ELMO1: variants seen among roughly 807,000 people sequenced by gnomAD.
ELMO1 encodes the protein engulfment and cell motility 1.
A neutral mutation model predicts 98.9 loss-of-function variants in ELMO1; 26 were observed. The ratio of observed to expected loss-of-function variants is 0.26; its 90% confidence interval spans 0.19 to 0.36. The LOEUF (loss-of-function observed/expected upper bound fraction) is 0.36. ELMO1 is among the 10% of genes least tolerant of loss of function. ELMO1 has a pLI of 1.00. For synonymous variants in ELMO1, 346 were observed against 346.0 expected, an observed-to-expected ratio of 1.00 and a Z score of 0.00; for missense variants, 627 against 935.2, an observed-to-expected ratio of 0.67 and a Z score of 4.30.
intron 5 of ELMO1, 58 bp from the exon 6 acceptor site, chr7:37,259,408 A>T: frequency 6.4e-7 from 1 of 1,567,198 alleles, no homozygotes; most frequent in Non-Finnish European, 8.7e-7. Context: ...ACAGCAAAAC[A>T]GATTTATGTT....
intron 1 of ELMO1, among the ~76,000 whole-genome samples, chr7:37,440,905 C>T (rs911111854): frequency 6.6e-6 from 1 of 152,132 alleles, no homozygotes; most frequent in African/African-American, 2.4e-5. Context: ...TCTGACCAAA[C>T]TCCTCCACTA....
chr7:37,371,642 C>T (rs1007652552), intron 1 of ELMO1, among the ~76,000 whole-genome samples: 12 of 152,102 alleles, frequency 7.9e-5, no homozygotes, highest in African/African-American at 1.9e-4. Context: ...GATCTGCTAA[C>T]GAACGTTTCT....
At chr7:37,123,781 A>G (rs1413641817) in intron 14 of ELMO1, among the ~76,000 whole-genome samples, 1 of 152,216 alleles carries the variant, frequency 6.6e-6, no homozygotes, top group African/African-American at 2.4e-5. Flanking sequence ...TCCCTATCTC[A>G]TTTCATGAGG....
intron 14 of ELMO1, among the ~76,000 whole-genome samples, chr7:37,108,918 T>C (rs1353800155): frequency 6.6e-6 from 1 of 152,188 alleles, no homozygotes; most frequent in Non-Finnish European, 1.5e-5. Context: ...CATAACTTAT[T>C]ACAACTATAT....
chr7:37,411,376 A>G (rs1017483136), intron 1 of ELMO1, among the ~76,000 whole-genome samples: 11 of 152,230 alleles, frequency 7.2e-5, no homozygotes, highest in Non-Finnish European at 1.6e-4. Context: ...TCCAGGAACA[A>G]GTGGGTACAA....
chr7:37,417,219 G>A (rs10231979), intron 1 of ELMO1, among the ~76,000 whole-genome samples: 25,473 of 152,098 alleles, frequency 0.17, 2,314 homozygotes, highest in South Asian at 0.26. Flanking sequence ...AGAAAGACAC[G>A]TTGAAGTCCT....
At chr7:36,903,999 G>C (rs1239543255) in intron 16 of ELMO1, among the ~76,000 whole-genome samples, 2 of 152,330 alleles carry the variant, frequency 1.3e-5, no homozygotes, top group East Asian at 3.9e-4. Context: ...CACTCCCCCT[G>C]GGCTGCCTCA....
At chr7:37,410,008 C>G (rs191639932) in intron 1 of ELMO1, among the ~76,000 whole-genome samples, 1 of 152,160 alleles carries the variant, frequency 6.6e-6, no homozygotes, top group South Asian at 2.1e-4. Context: ...CCCTCCTTCC[C>G]GCAAAGTCAC....
intron 16 of ELMO1, among the ~76,000 whole-genome samples, chr7:36,999,106 A>G (rs1792440333): frequency 6.6e-6 from 1 of 152,116 alleles, no homozygotes; most frequent in African/African-American, 2.4e-5. Context: ...CCGGGGCCAC[A>G]GCATTGTCTA....
chr7:37,304,446 C>G (rs188684355), intron 4 of ELMO1, among the ~76,000 whole-genome samples: 1 of 152,090 alleles, frequency 6.6e-6, no homozygotes, highest in Non-Finnish European at 1.5e-5. Context: ...CTGGGCACGG[C>G]GGCTCACGCC....
intron 1 of ELMO1, among the ~76,000 whole-genome samples, chr7:37,400,465 T>C (rs933834297): frequency 6.6e-6 from 1 of 152,212 alleles, no homozygotes; most frequent in Non-Finnish European, 1.5e-5. Context: ...TTCCATAAAA[T>C]TACTTCAGGG....
chr7:37,336,432 G>A (rs777878707), intron 2 of ELMO1, among the ~76,000 whole-genome samples: 1 of 152,208 alleles, frequency 6.6e-6, no homozygotes, highest in Non-Finnish European at 1.5e-5. Flanking sequence ...TAGCTGGCAG[G>A]CTATGCCGGT....
intron 7 of ELMO1, among the ~76,000 whole-genome samples, chr7:37,236,599 A>G (rs1289120390): frequency 6.6e-6 from 1 of 152,218 alleles, no homozygotes; most frequent in African/African-American, 2.4e-5. Flanking sequence ...TATACATATT[A>G]CATAATATTC....
intron 1 of ELMO1, among the ~76,000 whole-genome samples, chr7:37,398,287 T>C (rs1350475189): frequency 1.3e-5 from 2 of 152,218 alleles, no homozygotes; most frequent in Non-Finnish European, 2.9e-5. Context: ...CTAGTAAAGA[T>C]GTACTAACTT....
intron 13 of ELMO1, among the ~76,000 whole-genome samples, chr7:37,143,068 G>A (rs992951176): frequency 6.6e-6 from 1 of 152,164 alleles, no homozygotes; most frequent in African/African-American, 2.4e-5. Context: ...AAAGAACTAC[G>A]TGACTAATTA....
chr7:37,278,136 T>TG (rs56246847), intron 4 of ELMO1, among the ~76,000 whole-genome samples: 1 of 54,556 alleles, frequency 1.8e-5, no homozygotes, highest in Non-Finnish European at 3.7e-5. Context: ...TTTTTTTTTT[T>TG]GGCGGGGCTG....
chr7:36,974,625 A>C (rs1790341798), intron 16 of ELMO1, among the ~76,000 whole-genome samples: 1 of 151,488 alleles, frequency 6.6e-6, no homozygotes. Flanking sequence ...ACTCGGCTCT[A>C]CCAATCAGCA....
rs1267317650 is a variant in ELMO1, at chr7:37,224,904, C to T, written c.676G>A (p.Gly226Ser). 7 of 1,613,886 alleles carry T rather than the reference C, an allele frequency of 4.3e-6. No individual in the cohort carries two copies. The highest frequency in any genetic ancestry group is 1.3e-5 in the African/African-American group (1 of 74,908). Residue 226 changes from glycine to serine, a missense_variant, in exon 9 of 22, where the codon GGC becomes AGC. By Grantham distance (56) the Gly-to-Ser change is moderately conservative (BLOSUM62 0). Transcript: ENST00000310758. The stretch of plus-strand genomic sequence containing the variant: ...CCTTGCAGGTGTGGAATGAGCTGGC[C>T]GATGGTGATCTCCTGCGCCACTTTC... ...YQKVAQEITI[G>S]QLIPHLQGSD...
chr7:36,861,378 G>A (rs1454547677), intron 21 of ELMO1, among the ~76,000 whole-genome samples: 3 of 151,922 alleles, frequency 2.0e-5, no homozygotes, highest in Non-Finnish European at 2.9e-5. Context: ...CTGTAACCAG[G>A]GCCGCTTCTT....
Sources: gnomAD v4.1 joint callset for allele counts (sites outside exome capture counted in the v4.1 genomes callset) on GRCh38, gnomAD v4.1.1 for gene constraint, MANE v1.5 for transcripts, NCBI Gene and HGNC (gene_info 2026-07-23, HGNC 2026-07-21) for gene names.